CTNNA3: variants seen among roughly 807,000 people sequenced by gnomAD.
CTNNA3 encodes catenin alpha 3.
A neutral mutation model predicts 95.7 loss-of-function variants in CTNNA3; 76 were observed. The observed-to-expected ratio is 0.79, with a 90% CI of 0.66 to 0.96. The LOEUF (loss-of-function observed/expected upper bound fraction) is 0.96, where lower values mean the gene tolerates loss of function less well. Among genes scored for constraint, CTNNA3 ranks in the 40% least tolerant of loss-of-function variants. The pLI is 0.00. For synonymous variants in CTNNA3, 431 were observed against 374.4 expected, an observed-to-expected ratio of 1.15 and a Z score of -1.74; for missense variants, 1,191 against 1,089.8, an observed-to-expected ratio of 1.09 and a Z score of -1.31.
chr10:66,817,655 T>C (rs1842142916), intron 7 of CTNNA3, among the ~76,000 whole-genome samples: 1 of 152,022 alleles, frequency 6.6e-6, no homozygotes, highest in Non-Finnish European at 1.5e-5. Context: ...ACTGAATTAA[T>C]AAATAATTAC....
chr10:66,956,483 T>C lies in CTNNA3; in HGVS notation c.1048-180959A>G, dbSNP rs1341813502. Among the ~76,000 whole-genome samples the C allele has an allele frequency of 2.0e-5, 3 of 151,998 alleles. No homozygotes were observed. In the East Asian group the frequency reaches 5.8e-4, roughly 29 times the overall value. On this transcript the variant is annotated intron_variant, in intron 7 of 17. Coordinates refer to ENST00000433211, the MANE Select transcript of CTNNA3 (RefSeq NM_013266.4). ...TGAGAATCTTTGCAAGTTATTGTCATCCAGGCAATAAACAATAATTACATT... is the reference window on the plus strand; with the variant it reads ...TGAGAATCTTTGCAAGTTATTGTCACCCAGGCAATAAACAATAATTACATT...
At chr10:66,207,439 T>A (rs1204497046) in intron 13 of CTNNA3, among the ~76,000 whole-genome samples, 1 of 151,920 alleles carries the variant, frequency 6.6e-6, no homozygotes, top group Non-Finnish European at 1.5e-5. Context: ...GTATTTAAAA[T>A]ACACAATATA....
chr10:67,491,682 T>C (rs1361424804), intron 5 of CTNNA3, among the ~76,000 whole-genome samples: 1 of 152,166 alleles, frequency 6.6e-6, no homozygotes, highest in African/African-American at 2.4e-5. Flanking sequence ...AATTTAGATT[T>C]CATTCTAAAG....
At chr10:65,995,156 ATTTC>A (rs2078629907) in intron 15 of CTNNA3, among the ~76,000 whole-genome samples, 2 of 150,934 alleles carry the variant, frequency 1.3e-5, no homozygotes, top group African/African-American at 4.9e-5. Flanking sequence ...CATTTCATTA[ATTTC>A]TTTTTTATTG....
At chr10:67,730,465 C>A (rs1841268260) in intron 1 of CTNNA3, among the ~76,000 whole-genome samples, 1 of 152,114 alleles carries the variant, frequency 6.6e-6, no homozygotes, top group Non-Finnish European at 1.5e-5. Flanking sequence ...CTCTCCTGTG[C>A]CCTTTCTGAG....
intron 7 of CTNNA3, among the ~76,000 whole-genome samples, chr10:66,857,441 G>A (rs117985800): frequency 0.11 from 16,651 of 151,296 alleles, 1,196 homozygotes; most frequent in Non-Finnish European, 0.16. Context: ...GTAATTCTGT[G>A]AAGAATGTTT....
At position 67,196,250 on chromosome 10, in the gene CTNNA3, G is replaced by C. The variant is rs146718031; in HGVS notation, c.844-15730C>G. On this transcript the variant is annotated intron_variant, in intron 6 of 17. Transcript: ENST00000433211. Reference sequence around the variant, plus strand: ...GCTTTAGATATAAAAAAAATTTTAAGAAGGCAAAATGTGAACAATAAACTA... The same window carrying C: ...GCTTTAGATATAAAAAAAATTTTAACAAGGCAAAATGTGAACAATAAACTA... Among the ~76,000 whole-genome samples, 240 of 151,970 alleles carry C rather than the reference G, an allele frequency of 1.6e-3. 3 individuals are homozygous for C. The highest frequency in any genetic ancestry group is 5.6e-3 in the African/African-American group (231 of 41,482).
chr10:67,724,112 C>T (rs1302220820), intron 1 of CTNNA3, among the ~76,000 whole-genome samples: 1 of 152,174 alleles, frequency 6.6e-6, no homozygotes, highest in Non-Finnish European at 1.5e-5. Flanking sequence ...ATTATTCTTT[C>T]CACTTTTTCT....
At chr10:67,030,242 C>A (rs765697443) in intron 7 of CTNNA3, among the ~76,000 whole-genome samples, 24 of 152,166 alleles carry the variant, frequency 1.6e-4, no homozygotes, top group Non-Finnish European at 3.4e-4. Context: ...GCATTCTGCT[C>A]TACATAATGG....
chr10:66,715,411 T>C (rs1217242527), intron 9 of CTNNA3, among the ~76,000 whole-genome samples: 2 of 152,060 alleles, frequency 1.3e-5, no homozygotes, highest in Admixed American at 1.3e-4. Context: ...TTGTCTCAAT[T>C]GTTTATTGGT....
At chr10:67,356,704 T>C (rs544838427) in intron 5 of CTNNA3, among the ~76,000 whole-genome samples, 2 of 152,264 alleles carry the variant, frequency 1.3e-5, no homozygotes, top group East Asian at 3.9e-4. Context: ...AACTTTTTGC[T>C]GTATTTTACC....
At chr10:66,574,987 T>C (rs1842966021) in intron 10 of CTNNA3, among the ~76,000 whole-genome samples, 1 of 152,134 alleles carries the variant, frequency 6.6e-6, no homozygotes, top group African/African-American at 2.4e-5. Context: ...GGTAAACTGG[T>C]TACATAACAA....
chr10:67,743,027 A>C (rs1248350548), intron 1 of CTNNA3, among the ~76,000 whole-genome samples: 1 of 151,220 alleles, frequency 6.6e-6, no homozygotes, highest in Non-Finnish European at 1.5e-5. Context: ...ACCAACCAAA[A>C]ACACTCCAGG....
At chr10:66,493,117 A>G (rs527918554) in intron 11 of CTNNA3, among the ~76,000 whole-genome samples, 1 of 152,298 alleles carries the variant, frequency 6.6e-6, no homozygotes, top group East Asian at 1.9e-4. Flanking sequence ...TTTACAAGGA[A>G]TAAGGAGACA....
chr10:67,722,107 A>C (rs979408999), intron 1 of CTNNA3, among the ~76,000 whole-genome samples: 23 of 152,198 alleles, frequency 1.5e-4, no homozygotes, highest in Non-Finnish European at 2.9e-4. Flanking sequence ...ACTTTTAACA[A>C]TCTCAATGGT....
At chr10:67,399,905 G>A (rs1257138296) in intron 5 of CTNNA3, among the ~76,000 whole-genome samples, 2 of 151,962 alleles carry the variant, frequency 1.3e-5, no homozygotes, top group Non-Finnish European at 2.9e-5. Context: ...AATTTCTATA[G>A]TTATATTTTA....
At chr10:66,429,006 G>T (rs537260670) in intron 11 of CTNNA3, among the ~76,000 whole-genome samples, 4 of 152,028 alleles carry the variant, frequency 2.6e-5, no homozygotes, top group South Asian at 2.1e-4. Flanking sequence ...TAGACCGCTA[G>T]CAAGACTAAT....
At chr10:67,637,530 C>A (rs1169443832) in intron 2 of CTNNA3, among the ~76,000 whole-genome samples, 1 of 152,078 alleles carries the variant, frequency 6.6e-6, no homozygotes, top group Non-Finnish European at 1.5e-5. Flanking sequence ...AAAGATATTC[C>A]TCAGGAAGAG....
intron 7 of CTNNA3, among the ~76,000 whole-genome samples, chr10:67,142,886 C>T (rs908455594): frequency 4.6e-5 from 7 of 152,048 alleles, no homozygotes; most frequent in African/African-American, 1.7e-4. Context: ...AAGCTGAGAT[C>T]GTGCCACTGC....
Sources: gnomAD v4.1 joint callset for allele counts (sites outside exome capture counted in the v4.1 genomes callset) on GRCh38, gnomAD v4.1.1 for gene constraint, MANE v1.5 for transcripts, NCBI Gene and HGNC (gene_info 2026-07-23, HGNC 2026-07-21) for gene names.